The following CCDC83 variants were observed in gnomAD, a reference collection of about 807,000 sequenced individuals.
CCDC83 encodes the protein coiled-coil domain containing 83.
A neutral mutation model predicts 50.1 loss-of-function variants in CCDC83; 54 were observed. That is an observed-to-expected ratio of 1.08 (90% CI 0.87 to 1.35). The LOEUF (loss-of-function observed/expected upper bound fraction) is 1.35, where lower values mean the gene tolerates loss of function less well. Ranked by LOEUF, CCDC83 falls within the 40% of genes most tolerant of loss-of-function variation. The pLI, the probability that CCDC83 is intolerant of heterozygous loss-of-function variation, is 0.00. For synonymous variants in CCDC83, 161 were observed against 153.3 expected, an observed-to-expected ratio of 1.05 and a Z score of -0.37; for missense variants, 518 against 473.9, an observed-to-expected ratio of 1.09 and a Z score of -0.86.
intron 5 of CCDC83, among the ~76,000 whole-genome samples, chr11:85,893,662 T>C (rs1285329739): frequency 6.6e-6 from 1 of 152,170 alleles, no homozygotes. Flanking sequence ...TGCATTACCG[T>C]CTGAGCTCCG....
intron 8 of CCDC83, 22 bp from the exon 9 acceptor site, chr11:85,915,396 GT>G (rs1201960709): frequency 6.4e-7 from 1 of 1,556,696 alleles, no homozygotes; most frequent in African/African-American, 1.4e-5. Context: ...CTGACAGATT[GT>G]TTTTCTCATT....
intron 4 of CCDC83, among the ~76,000 whole-genome samples, chr11:85,883,615 C>G (rs1046083810): frequency 6.6e-6 from 1 of 152,118 alleles, no homozygotes; most frequent in African/African-American, 2.4e-5. Context: ...TTCTTTCATT[C>G]TAAACTTGCT....
chr11:85,892,498 G>A (rs550572614), intron 5 of CCDC83, among the ~76,000 whole-genome samples: 1 of 152,318 alleles, frequency 6.6e-6, no homozygotes, highest in South Asian at 2.1e-4. Flanking sequence ...GAAGAGAATA[G>A]ATTGTGAATA....
At chr11:85,917,308 G>A (rs1002689780) in intron 10 of CCDC83, among the ~76,000 whole-genome samples, 1 of 152,032 alleles carries the variant, frequency 6.6e-6, no homozygotes, top group Non-Finnish European at 1.5e-5. Flanking sequence ...AGAAAAGAAA[G>A]AAGGCAGTTT....
At chr11:85,882,787 G>A (rs1445375046) in intron 4 of CCDC83, 112 bp downstream of exon 4, 10 of 986,354 alleles carry the variant, frequency 1.0e-5, no homozygotes, top group Admixed American at 2.4e-5. Context: ...TATTTTAAAC[G>A]GCATCATTAC....
intron 10 of CCDC83, among the ~76,000 whole-genome samples, chr11:85,917,156 GA>G (rs1565159878): frequency 9.2e-5 from 9 of 97,824 alleles, no homozygotes; most frequent in African/African-American, 3.6e-4. Flanking sequence ...GAGAGAGAGA[GA>G]GAGAGAGAGA....
At position 85,919,821 on chromosome 11, in the gene CCDC83, T is replaced by C. The variant is rs1592210936; in HGVS notation, c.*311T>C. On this transcript the variant is annotated 3_prime_UTR_variant, in exon 11 of 11. Coordinates refer to ENST00000342404, the MANE Select transcript of CCDC83 (RefSeq NM_001286159.2). ...CACTGATTAATCTGTGATTCCAGTA[T>C]GAAATAGTTCCATTAGAAATGTTTC... 3.7e-6 allele frequency: 1 copy of C among 269,504 alleles called. No individual in the cohort carries two copies. The highest frequency in any genetic ancestry group is 6.9e-6 in the Non-Finnish European group (1 of 144,588). 16.7% of individuals were successfully genotyped at this position (269,504 alleles called of 1,614,324 possible). A position where few individuals can be genotyped will look rare whatever the true frequency, so the allele number is the denominator to read the frequency against.
chr11:85,908,593 AGATAGATAGATAGATAGACAGAT>A (rs1283474266), intron 7 of CCDC83, among the ~76,000 whole-genome samples: 42 of 140,610 alleles, frequency 3.0e-4, no homozygotes, highest in Admixed American at 2.0e-3. Context: ...ATAGATAGAT[AGATAGATAGATAGATAGACAGAT>A]AGAATTCATG....
chr11:85,918,364 C>G (rs1663266989), intron 10 of CCDC83, among the ~76,000 whole-genome samples: 1 of 152,094 alleles, frequency 6.6e-6, no homozygotes, highest in South Asian at 2.1e-4. Context: ...ATCATTGCAC[C>G]CCAGCACTTG....
intron 2 of CCDC83, among the ~76,000 whole-genome samples, chr11:85,872,360 C>G (rs1366617477): frequency 1.4e-4 from 21 of 152,238 alleles, no homozygotes; most frequent in Non-Finnish European, 4.4e-5. Context: ...GGGCAGGCGC[C>G]TATAATCCCA....
chr11:85,903,902 G>A (rs2093413504), intron 7 of CCDC83, among the ~76,000 whole-genome samples: 1 of 152,146 alleles, frequency 6.6e-6, no homozygotes, highest in East Asian at 1.9e-4. Context: ...AGGAGGCGGA[G>A]GTTGTAGTGA....
intron 5 of CCDC83, among the ~76,000 whole-genome samples, chr11:85,893,489 A>G (rs2093359096): frequency 6.6e-6 from 1 of 151,922 alleles, no homozygotes; most frequent in Non-Finnish European, 1.5e-5. Context: ...TGTGAAGAAA[A>G]TTTTCCCTTT....
chr11:85,884,522 G>C (rs973576065), intron 4 of CCDC83, among the ~76,000 whole-genome samples: 1 of 152,122 alleles, frequency 6.6e-6, no homozygotes, highest in Non-Finnish European at 1.5e-5. Context: ...CAGTTGCAAG[G>C]ATAAAAAATC....
intron 9 of CCDC83, 62 bp downstream of exon 9, chr11:85,915,560 AAC>A: frequency 8.3e-7 from 1 of 1,209,994 alleles, no homozygotes; most frequent in South Asian, 1.3e-5. Context: ...CAATTTAAAA[AAC>A]ACTTACCTAT....
At chr11:85,875,302 A>G (rs761080231) in intron 3 of CCDC83, among the ~76,000 whole-genome samples, 2 of 152,236 alleles carry the variant, frequency 1.3e-5, no homozygotes, top group Admixed American at 6.5e-5. Flanking sequence ...CGGGTTATCA[A>G]TATGGTTGGA....
intron 6 of CCDC83, among the ~76,000 whole-genome samples, chr11:85,898,738 A>T (rs2093386758): frequency 6.6e-6 from 1 of 152,234 alleles, no homozygotes; most frequent in Non-Finnish European, 1.5e-5. Flanking sequence ...CAGTTCTCCA[A>T]ATCACCTGTA....
chr11:85,867,355 T>C (rs2093213178), intron 2 of CCDC83, among the ~76,000 whole-genome samples: 1 of 150,962 alleles, frequency 6.6e-6, no homozygotes, highest in Admixed American at 6.6e-5. Context: ...GATTTTAAAA[T>C]CTAAAAGAAG....
intron 3 of CCDC83, among the ~76,000 whole-genome samples, chr11:85,876,546 C>T (rs2093270305): frequency 6.6e-6 from 1 of 152,178 alleles, no homozygotes; most frequent in South Asian, 2.1e-4. Context: ...ACTCCGTCAC[C>T]CAGGCTGGAG....
intron 7 of CCDC83, among the ~76,000 whole-genome samples, chr11:85,903,219 C>G (rs1592183674): frequency 6.6e-6 from 1 of 152,052 alleles, no homozygotes; most frequent in East Asian, 1.9e-4. Flanking sequence ...GGTGGCAGAG[C>G]AATCTAAAAC....
Sources: allele counts gnomAD v4.1 joint callset (sites outside exome capture counted in the v4.1 genomes callset), GRCh38; gene constraint gnomAD v4.1.1; transcripts MANE v1.5; gene names NCBI Gene and HGNC (gene_info 2026-07-23, HGNC 2026-07-21).